MARCHF10: variants seen among roughly 807,000 people sequenced by gnomAD.
MARCHF10 encodes probable E3 ubiquitin-protein ligase MARCHF10.
MARCHF10 carries 64 observed loss-of-function variants against 76.2 expected under a neutral mutation model. The observed-to-expected ratio is 0.84, with a 90% CI of 0.69 to 1.03. MARCHF10 has a LOEUF of 1.03. Among genes scored for constraint, MARCHF10 ranks in the 50% least tolerant of loss-of-function variants. MARCHF10 has a pLI of 0.00. For missense variants in MARCHF10, 875 were observed against 958.0 expected (o/e 0.91, Z 1.14); for synonymous variants, 340 against 357.5 (o/e 0.95, Z 0.55).
intron 5 of MARCHF10, among the ~76,000 whole-genome samples, chr17:62,743,657 C>T (rs1466528808): frequency 6.6e-6 from 1 of 151,884 alleles, no homozygotes; most frequent in Non-Finnish European, 1.5e-5. Context: ...TAAATAAATA[C>T]AATAAAAAAA....
chr17:62,766,869 A>G (rs2092345746), intron 3 of MARCHF10, among the ~76,000 whole-genome samples: 1 of 152,260 alleles, frequency 6.6e-6, no homozygotes, highest in Admixed American at 6.5e-5. Flanking sequence ...ACTTACCAGC[A>G]AAACGGAAAA....
chr17:62,713,839 C>T (rs530137840), intron 8 of MARCHF10, among the ~76,000 whole-genome samples: 2 of 151,904 alleles, frequency 1.3e-5, no homozygotes, highest in East Asian at 1.9e-4. Flanking sequence ...TAGGAGGGGG[C>T]GGGGACATTA....
chr17:62,802,278 T>A (rs538724729), intron 1 of MARCHF10, among the ~76,000 whole-genome samples: 1 of 152,120 alleles, frequency 6.6e-6, no homozygotes, highest in East Asian at 1.9e-4. Context: ...TGGAGTGCAA[T>A]GGCCAGTCTC....
At chr17:62,717,701 C>T (rs1055953755) in intron 8 of MARCHF10, among the ~76,000 whole-genome samples, 6 of 152,230 alleles carry the variant, frequency 3.9e-5, no homozygotes, top group Non-Finnish European at 8.8e-5. Flanking sequence ...TGATCCTTAG[C>T]TACAGCGCTC....
chr17:62,784,402 C>G (rs1002447845), intron 3 of MARCHF10, among the ~76,000 whole-genome samples: 1 of 152,148 alleles, frequency 6.6e-6, no homozygotes, highest in Non-Finnish European at 1.5e-5. Context: ...TTATGACAAA[C>G]CCACAGCCAA....
intron 3 of MARCHF10, among the ~76,000 whole-genome samples, chr17:62,775,829 T>C (rs1274000949): frequency 6.6e-6 from 1 of 152,012 alleles, no homozygotes; most frequent in African/African-American, 2.4e-5. Context: ...TTTATTTATT[T>C]ATTTAGAGAC....
Position 62,773,983 on chromosome 17 carries a change from G to A in MARCHF10, c.211-13977C>T, listed in dbSNP as rs184286570. 5.3e-3 allele frequency among the ~76,000 whole-genome samples: 809 copies of A among 152,342 alleles called. 2 individuals are homozygous for A. The highest frequency in any genetic ancestry group is 7.9e-3 in the Non-Finnish European group (538 of 68,028). On this transcript the variant is annotated intron_variant, in intron 3 of 10. Coordinates refer to ENST00000311269, the MANE Select transcript of MARCHF10 (RefSeq NM_152598.4). ...GGTGTAAAAGAAGACAAAAGGACAAGAGAATTATTAAGAGGGTCAAGCACA... is the reference window on the plus strand; with the variant it reads ...GGTGTAAAAGAAGACAAAAGGACAAAAGAATTATTAAGAGGGTCAAGCACA...
At chr17:62,804,008 G>A (rs2093122826) in intron 1 of MARCHF10, among the ~76,000 whole-genome samples, 1 of 152,156 alleles carries the variant, frequency 6.6e-6, no homozygotes, top group African/African-American at 2.4e-5. Context: ...GGAAGAGTCG[G>A]GATGTGAACC....
intron 4 of MARCHF10, among the ~76,000 whole-genome samples, chr17:62,756,551 G>C (rs2092049996): frequency 6.6e-6 from 1 of 152,188 alleles, no homozygotes; most frequent in African/African-American, 2.4e-5. Context: ...AAGTTTTCTA[G>C]TCCCATCTCC....
intron 5 of MARCHF10, among the ~76,000 whole-genome samples, chr17:62,740,585 G>A (rs1325174928): frequency 6.6e-5 from 10 of 152,070 alleles, no homozygotes; most frequent in Non-Finnish European, 1.5e-4. Context: ...AATTCAGAGT[G>A]GGTTGCATAC....
At chr17:62,728,602 C>T (rs976038862) in intron 6 of MARCHF10, among the ~76,000 whole-genome samples, 2 of 152,006 alleles carry the variant, frequency 1.3e-5, no homozygotes, top group Admixed American at 1.3e-4. Context: ...AGGTAATTCT[C>T]AGGAGGATTC....
intron 3 of MARCHF10, among the ~76,000 whole-genome samples, chr17:62,779,738 G>T (rs1240663556): frequency 6.6e-6 from 1 of 152,194 alleles, no homozygotes. Context: ...CTATAATCTG[G>T]AGCTGTGCTG....
At chr17:62,757,829 A>G (rs995081300) in intron 4 of MARCHF10, among the ~76,000 whole-genome samples, 4 of 152,190 alleles carry the variant, frequency 2.6e-5, no homozygotes, top group Non-Finnish European at 4.4e-5. Context: ...TCTGTCACTG[A>G]AACCTGGTGT....
At chr17:62,710,334 A>T (rs922536574) in intron 9 of MARCHF10, among the ~76,000 whole-genome samples, 4 of 152,172 alleles carry the variant, frequency 2.6e-5, no homozygotes, top group South Asian at 2.1e-4. Flanking sequence ...TTTCTTTTTT[A>T]AAAAATGTAT....
Position 62,755,671 on chromosome 17 carries a change from G to A in MARCHF10, c.382+4164C>T, listed in dbSNP as rs2092019402. On this transcript the variant is annotated intron_variant, in intron 4 of 10. Transcript: ENST00000311269. ...CCGGCCAGGTCTTGACTCACTGCCT[G>A]AATTTTCCACGTCTTTCTGGAGATA... Among the ~76,000 whole-genome samples the A allele has an allele frequency of 2.0e-5, 3 of 152,336 alleles. No individual in the cohort carries two copies. In the South Asian group the frequency reaches 6.2e-4, roughly 32 times the overall value.
At chr17:62,744,301 A>G in intron 5 of MARCHF10, 75 bp downstream of exon 5, 7 of 1,488,788 alleles carry the variant, frequency 4.7e-6, no homozygotes, top group Non-Finnish European at 6.4e-6. Flanking sequence ...TAAAAACCAT[A>G]AAGAATTCAC....
At chr17:62,723,559 C>CTTTTTTTTTATTTTT (rs2090600618) in intron 7 of MARCHF10, among the ~76,000 whole-genome samples, 2 of 80,370 alleles carry the variant, frequency 2.5e-5, no homozygotes, top group African/African-American at 1.1e-4. Flanking sequence ...GTTCGCTTGA[C>CTTTTTTTTTATTTTT]TTTTTTTTTT....
At chr17:62,745,107 C>CT (rs963115348) in intron 4 of MARCHF10, among the ~76,000 whole-genome samples, 131 of 135,122 alleles carry the variant, frequency 9.7e-4, no homozygotes, top group South Asian at 3.5e-3. Context: ...GTCTTTTTTT[C>CT]TTTTTTTTTT....
intron 2 of MARCHF10, among the ~76,000 whole-genome samples, chr17:62,793,157 TCACCACCAC>T (rs1164613126): frequency 1.7e-5 from 1 of 58,700 alleles, no homozygotes; most frequent in Non-Finnish European, 3.3e-5. Context: ...ACCACCACCA[TCACCACCAC>T]CACCTCCATC....
Sources: gnomAD v4.1 joint callset for allele counts (sites outside exome capture counted in the v4.1 genomes callset) on GRCh38, gnomAD v4.1.1 for gene constraint, MANE v1.5 for transcripts, NCBI Gene and HGNC (gene_info 2026-07-23, HGNC 2026-07-21) for gene names.